Variants in MRPL19 observed in about 807,000 individuals in gnomAD.
MRPL19 encodes the protein mitochondrial ribosomal protein L19, also known as large ribosomal subunit protein bL19m.
A neutral mutation model predicts 34.0 loss-of-function variants in MRPL19; 31 were observed. The observed-to-expected ratio is 0.91, with a 90% CI of 0.68 to 1.23. The LOEUF (loss-of-function observed/expected upper bound fraction) is 1.23, where lower values mean the gene tolerates loss of function less well. Among genes scored for constraint, MRPL19 ranks in the 50% most tolerant of loss-of-function variants. MRPL19 has a pLI of 0.00. For synonymous variants in MRPL19, 152 were observed against 127.7 expected (o/e 1.19, Z -1.28); for missense variants, 384 against 367.6 (o/e 1.04, Z -0.37).
intron 4 of MRPL19, among the ~76,000 whole-genome samples, chr2:75,654,070 T>C (rs1161843681): frequency 6.6e-6 from 1 of 152,178 alleles, no homozygotes; most frequent in South Asian, 2.1e-4. Context: ...CTGGGTAATT[T>C]AGAAAGAACA....
At position 75,659,517 on chromosome 2, in the gene MRPL19, G is replaced by A. The variant is rs10221782; in HGVS notation, c.*4232G>A. Among the ~76,000 whole-genome samples the A allele has an allele frequency of 0.5, 75,739 of 151,790 alleles. 20,371 individuals carry two copies. The highest frequency in any genetic ancestry group is 0.72 in the African/African-American group (29,983 of 41,440). ...TTACTGTCTAGTGCCCTTCCATTTCGGCCCAAAGGATTCCCTTATGCATTT... is the reference window on the plus strand; with the variant it reads ...TTACTGTCTAGTGCCCTTCCATTTCAGCCCAAAGGATTCCCTTATGCATTT... On this transcript the variant is annotated 3_prime_UTR_variant, in exon 6 of 6. Transcript: ENST00000393909.
chr2:75,658,440 G>T lies in MRPL19; in HGVS notation c.*3155G>T, dbSNP rs1221324045. ...GGGATATGTCTACCTTTTGGCTATT[G>T]TGAATAATGCTGCAGTAAACATTGA... On this transcript the variant is annotated 3_prime_UTR_variant, in exon 6 of 6. Coordinates refer to ENST00000393909, the MANE Select transcript of MRPL19 (RefSeq NM_014763.4). Among the ~76,000 whole-genome samples the T allele has an allele frequency of 6.6e-6, 1 of 152,226 alleles. No individual in the cohort carries two copies. The highest frequency in any genetic ancestry group is 1.9e-4 in the East Asian group (1 of 5,180).
At position 75,652,512 on chromosome 2, in the gene MRPL19, T is replaced by C; in HGVS notation, c.341-11T>C. On this transcript the variant is annotated splice_polypyrimidine_tract_variant and intron_variant, in intron 3 of 5. Coordinates refer to ENST00000393909, the MANE Select transcript of MRPL19 (RefSeq NM_014763.4). ...CTGAAAAAAAAGTTCACTTCTCTTTTGAATTTGTAGGAAGTATTCTTCGTG... is the reference window on the plus strand; with the variant it reads ...CTGAAAAAAAAGTTCACTTCTCTTTCGAATTTGTAGGAAGTATTCTTCGTG... 1 of 1,606,720 alleles carries C rather than the reference T, an allele frequency of 6.2e-7. No individual in the cohort carries two copies. Among genetic ancestry groups the C allele is most frequent in the Non-Finnish European group, 8.5e-7 (1 of 1,177,624 alleles).
intron 2 of MRPL19, chr2:75,651,517 G>A (rs1678332333): frequency 2.0e-6 from 1 of 490,972 alleles, no homozygotes; most frequent in Non-Finnish European, 4.1e-6. Context: ...GTAGATAGGT[G>A]TTACAGTTGT....
At chr2:75,647,822 G>A (rs913607490) in intron 2 of MRPL19, 6 of 152,168 alleles carry the variant, frequency 3.9e-5, no homozygotes, top group African/African-American at 1.4e-4. Context: ...AACCTGATAT[G>A]ATTATAGGCT....
chr2:75,652,781 G>A lies in MRPL19; in HGVS notation c.475+124G>A, dbSNP rs1678360125. 4 of 1,039,004 alleles carry A rather than the reference G, an allele frequency of 3.8e-6. No homozygotes were observed. The South Asian group carries it at 6.7e-5, about 17-fold the overall frequency. 64.4% of individuals were successfully genotyped at this position (1,039,004 alleles called of 1,614,324 possible). A position where few individuals can be genotyped will look rare whatever the true frequency, so the allele number is the denominator to read the frequency against. On this transcript the variant is annotated intron_variant, in intron 4 of 5. Coordinates refer to ENST00000393909, the MANE Select transcript of MRPL19 (RefSeq NM_014763.4). ...AAAAGGAGACTCTGAGGGAAGATGTGGAGCCTGTGGCTTTAGAATGGATTG... is the reference window on the plus strand; with the variant it reads ...AAAAGGAGACTCTGAGGGAAGATGTAGAGCCTGTGGCTTTAGAATGGATTG...
At chr2:75,653,721 A>C (rs539706747) in intron 4 of MRPL19, among the ~76,000 whole-genome samples, 1 of 152,146 alleles carries the variant, frequency 6.6e-6, no homozygotes, top group Non-Finnish European at 1.5e-5. Context: ...CAGATTTGCA[A>C]CTATCTGCAA....
At chr2:75,648,577 A>G (rs774349843) in intron 2 of MRPL19, among the ~76,000 whole-genome samples, 21 of 152,094 alleles carry the variant, frequency 1.4e-4, no homozygotes, top group Non-Finnish European at 2.8e-4. Flanking sequence ...TTAAAACTAT[A>G]GGCCGGGTGC....
rs182461715 is a variant in MRPL19, at chr2:75,649,403, A to G, written c.221+2184A>G. Among the ~76,000 whole-genome samples, 209 of 151,540 alleles carry G rather than the reference A, an allele frequency of 1.4e-3. 1 individual carries two copies. The highest frequency in any genetic ancestry group is 4.8e-3 in the African/African-American group (199 of 41,260). ...TGTAAACTTTCTTAAAACATATGAG[A>G]TTTTTTTTGTGCCTTTTTTTTTTAA... On this transcript the variant is annotated intron_variant, in intron 2 of 5. Coordinates refer to ENST00000393909, the MANE Select transcript of MRPL19 (RefSeq NM_014763.4).
At chr2:75,647,644 AG>A (rs1356119413) in intron 2 of MRPL19, 4 of 157,448 alleles carry the variant, frequency 2.5e-5, no homozygotes, top group African/African-American at 9.6e-5. Flanking sequence ...GACAAAGCAC[AG>A]TAAAACTGGC....
chr2:75,658,960 C>T lies in MRPL19; in HGVS notation c.*3675C>T, dbSNP rs1335713102. Reference sequence around the variant, plus strand: ...ACTATCTTGTTTTGTTTTGTTTTTTCTGTCCATTCTGCCAATTTCTGCCTT... The same window carrying T: ...ACTATCTTGTTTTGTTTTGTTTTTTTTGTCCATTCTGCCAATTTCTGCCTT... On this transcript the variant is annotated 3_prime_UTR_variant, in exon 6 of 6. Coordinates refer to ENST00000393909, the MANE Select transcript of MRPL19 (RefSeq NM_014763.4). 2.3e-5 allele frequency among the ~76,000 whole-genome samples: 3 copies of T among 128,280 alleles called. No individual in the cohort carries two copies. The South Asian group carries it at 7.3e-4, about 31-fold the overall frequency. The allele number at this position is 128,280 out of a possible 152,430, so 84.2% of individuals were successfully genotyped here.
intron 4 of MRPL19, among the ~76,000 whole-genome samples, chr2:75,653,327 G>C (rs139742053): frequency 3.3e-5 from 5 of 152,204 alleles, no homozygotes; most frequent in Non-Finnish European, 7.3e-5. Flanking sequence ...TGGGCTGTGC[G>C]TGCAGGAATT....
At position 75,660,123 on chromosome 2, in the gene MRPL19, C is replaced by G. The variant is rs544181340; in HGVS notation, c.*4838C>G. Reference sequence around the variant, plus strand: ...AAGTTTGTTGATTCTTCTCCCTGTTCAGATCAACTGTTGAACTCCTCTAGT... The same window carrying G: ...AAGTTTGTTGATTCTTCTCCCTGTTGAGATCAACTGTTGAACTCCTCTAGT... On this transcript the variant is annotated 3_prime_UTR_variant, in exon 6 of 6. Transcript: ENST00000393909. Among the ~76,000 whole-genome samples, 10 of 152,052 alleles carry G rather than the reference C, an allele frequency of 6.6e-5. No homozygotes were observed. In the South Asian group the frequency reaches 1.2e-3, roughly 19 times the overall value.
In MRPL19 at chr2:75,652,627, T is replaced by G. The variant is rs747234138; in HGVS notation, c.445T>G (p.Phe149Val). 2.1e-5 allele frequency: 34 copies of G among 1,613,460 alleles called. No individual in the cohort carries two copies. The highest frequency in any genetic ancestry group is 2.9e-5 in the Non-Finnish European group (34 of 1,179,664). The change falls in exon 4 of 6, where the codon TTC becomes GTC. Residue 149 changes from phenylalanine (F) to valine (V), a missense_variant. Physicochemically the swap from Phe to Val is conservative, Grantham distance 50 (BLOSUM62 -1). Transcript: ENST00000393909. The part of the protein sequence containing the change: ...QRSGRGLGAT[F>V]ILRNVIEGQG... ...ATCAGGAAGAGGACTTGGAGCTACT[T>G]TCATCCTTAGGAATGTTATCGAAGG...
At position 75,647,148 on chromosome 2, in the gene MRPL19, G is replaced by A; in HGVS notation, c.150G>A (p.Glu50=). 1 of 1,578,856 alleles carries A rather than the reference G, an allele frequency of 6.3e-7. No homozygotes were observed. The highest frequency in any genetic ancestry group is 8.6e-7 in the Non-Finnish European group (1 of 1,161,732). ...GGCAGCAGAGCACTGGGCCTTCCGA[G>A]CCCGGTGCGTTCCAACCGCCGCCGA... ...PVRQQSTGPS[E]PGAFQPPPKP... Residue 50 remains glutamate, a synonymous_variant, in exon 2 of 6, where the codon GAG becomes GAA. Transcript: ENST00000393909.
intron 4 of MRPL19, among the ~76,000 whole-genome samples, chr2:75,653,219 T>C (rs955379117): frequency 2.6e-5 from 4 of 152,200 alleles, no homozygotes; most frequent in Non-Finnish European, 2.9e-5. Flanking sequence ...GTTTATCAAG[T>C]TGTGTGCTTC....
chr2:75,650,702 C>T (rs1348061622), intron 2 of MRPL19, among the ~76,000 whole-genome samples: 1 of 152,060 alleles, frequency 6.6e-6, no homozygotes, highest in Admixed American at 6.6e-5. Context: ...TGAGACTGGC[C>T]TAAGGTATAG....
At chr2:75,648,730 G>C (rs1573025641) in intron 2 of MRPL19, among the ~76,000 whole-genome samples, 1 of 151,886 alleles carries the variant, frequency 6.6e-6, no homozygotes, top group Admixed American at 6.6e-5. Flanking sequence ...TTAGCCAGGT[G>C]TGGTGGCATG....
At chr2:75,652,000 T>C in intron 2 of MRPL19, 142 bp from the exon 3 acceptor site, 1 of 521,588 alleles carries the variant, frequency 1.9e-6, no homozygotes. Context: ...GCATTAACAA[T>C]TTTAGAAATA....
Sources: gnomAD v4.1 joint callset for allele counts (sites outside exome capture counted in the v4.1 genomes callset) on GRCh38, gnomAD v4.1.1 for gene constraint, MANE v1.5 for transcripts, NCBI Gene and HGNC (gene_info 2026-07-23, HGNC 2026-07-21) for gene names.